TTLL1: variants seen among roughly 807,000 people sequenced by gnomAD.
TTLL1 encodes the protein TTL family tubulin polyglutamylase complex subunit L1.
Under a neutral mutation model 47.8 loss-of-function variants are expected in TTLL1, and 33 were observed. The ratio of observed to expected loss-of-function variants is 0.69; its 90% CI spans 0.52 to 0.92. The LOEUF (loss-of-function observed/expected upper bound fraction) is 0.92, where lower values mean the gene tolerates loss of function less well. Ranked by LOEUF, TTLL1 falls within the 40% of genes least tolerant of loss-of-function variation. The pLI, the probability that TTLL1 is intolerant of heterozygous loss-of-function variation, is 0.00. For synonymous variants in TTLL1, 225 were observed against 214.1 expected (o/e 1.05, Z -0.45); for missense variants, 488 against 547.5 (o/e 0.89, Z 1.08).
chr22:43,044,394 C>T lies in TTLL1; in HGVS notation c.1142+2016G>A, dbSNP rs111514592. Among the ~76,000 whole-genome samples the T allele has an allele frequency of 8.6e-3, 1,306 of 152,304 alleles. 17 individuals carry two copies. The highest frequency in any genetic ancestry group is 0.03 in the African/African-American group (1,238 of 41,556). Reference sequence around the variant, plus strand: ...CAATGAGCTGTAACACGCACATCCACACCACACATCACCCACAGCAGGGGC... The same window carrying T: ...CAATGAGCTGTAACACGCACATCCATACCACACATCACCCACAGCAGGGGC... On this transcript the variant is annotated intron_variant, in intron 10 of 10. Transcript: ENST00000266254.
intron 2 of TTLL1, among the ~76,000 whole-genome samples, chr22:43,079,358 C>G (rs1928732628): frequency 6.6e-6 from 1 of 151,166 alleles, no homozygotes; most frequent in Non-Finnish European, 1.5e-5. Flanking sequence ...CCATCCCACA[C>G]CCCTCACACC....
chr22:43,078,059 A>C (rs1397333860), intron 2 of TTLL1, among the ~76,000 whole-genome samples: 5 of 151,738 alleles, frequency 3.3e-5, no homozygotes, highest in African/African-American at 1.2e-4. Flanking sequence ...GTGAGCCAGG[A>C]TGACGCCACT....
chr22:43,064,274 T>C lies in TTLL1; in HGVS notation c.554A>G (p.Asn185Ser), dbSNP rs758717215. The change falls in exon 6 of 11, where the codon AAC becomes AGC. Residue 185 changes from asparagine to serine, a missense_variant. Transcript: ENST00000266254. ...KEAYVISLYI[N>S]NPLLIGGRKF... ...CCTCCCGCCAATTAGTAACGGGTTG[T>C]TAATATAGAGAGAGATCACGTAGGC... 1 of 1,614,060 alleles carries C rather than the reference T, an allele frequency of 6.2e-7. No individual in the cohort carries two copies. Among genetic ancestry groups the C allele is most frequent in the Non-Finnish European group, 8.5e-7 (1 of 1,180,002 alleles).
At chr22:43,056,682 G>A (rs879486247) in intron 8 of TTLL1, among the ~76,000 whole-genome samples, 7 of 151,784 alleles carry the variant, frequency 4.6e-5, no homozygotes, top group Non-Finnish European at 8.8e-5. Context: ...CTACTTGGGA[G>A]GCTGAAGCAA....
intron 7 of TTLL1, among the ~76,000 whole-genome samples, 195 bp from the exon 8 acceptor site, chr22:43,059,722 C>G (rs1237575692): frequency 6.6e-6 from 1 of 152,194 alleles, no homozygotes; most frequent in Non-Finnish European, 1.5e-5. Context: ...CAGGGTCTCA[C>G]TCTGTCCCCC....
chr22:43,070,044 G>A (rs879402295), intron 3 of TTLL1, 200 bp from the exon 4 acceptor site: 1 of 1,177,042 alleles, frequency 8.5e-7, no homozygotes, highest in East Asian at 2.6e-5. Context: ...CAAGTGGTGT[G>A]AGGGCCAGGA....
intron 8 of TTLL1, among the ~76,000 whole-genome samples, chr22:43,057,460 G>C (rs1927094189): frequency 6.6e-6 from 1 of 152,042 alleles, no homozygotes; most frequent in Admixed American, 6.6e-5. Context: ...ACAGCCTCTT[G>C]ACACCAATGT....
In TTLL1 at chr22:43,088,324, C is replaced by CTTTTT. The variant is rs1167618669; in HGVS notation, c.-90+948_-90+952dup. ...AATTTGAGGGCAGAGAAGGGCCCAT[C>CTTTTT]TTTTTTTTTTTTTTTTTTTTTTTTT... On this transcript the variant is annotated intron_variant, in intron 1 of 10. Coordinates refer to ENST00000266254, the MANE Select transcript of TTLL1 (RefSeq NM_012263.5). Among the ~76,000 whole-genome samples, 141 of 56,476 alleles carry CTTTTT rather than the reference C, an allele frequency of 2.5e-3. 15 individuals carry two copies. Among genetic ancestry groups the CTTTTT allele is most frequent in the African/African-American group, 4.0e-3 (54 of 13,650 alleles). 37.1% of individuals were successfully genotyped at this position (56,476 alleles called of 152,430 possible).
chr22:43,049,774 GAAAAAAAAAAAGAAAAGA>G (rs1377489171), intron 9 of TTLL1, among the ~76,000 whole-genome samples: 1 of 112,246 alleles, frequency 8.9e-6, no homozygotes, highest in Non-Finnish European at 1.8e-5. Context: ...TCTCAAGACA[GAAAAAAAAAAAGAAAAGA>G]AAAAAAAAAA....
chr22:43,051,510 A>G (rs1325076234), intron 9 of TTLL1, among the ~76,000 whole-genome samples: 1 of 151,810 alleles, frequency 6.6e-6, no homozygotes, highest in African/African-American at 2.4e-5. Flanking sequence ...GACAGGGTGC[A>G]GGACTGAGGG....
intron 3 of TTLL1, among the ~76,000 whole-genome samples, chr22:43,071,928 G>A (rs1928149725): frequency 6.6e-6 from 1 of 152,204 alleles, no homozygotes; most frequent in Admixed American, 6.5e-5. Flanking sequence ...ACACCTACCT[G>A]TGGCCGCTGT....
intron 8 of TTLL1, among the ~76,000 whole-genome samples, chr22:43,053,765 A>G (rs567272954): frequency 6.6e-6 from 1 of 152,244 alleles, no homozygotes; most frequent in Admixed American, 6.5e-5. Flanking sequence ...AGAGCCTTAG[A>G]AATCTATCAT....
intron 7 of TTLL1, among the ~76,000 whole-genome samples, 181 bp downstream of exon 7, chr22:43,063,632 G>A (rs964464340): frequency 2.0e-5 from 3 of 151,586 alleles, no homozygotes; most frequent in East Asian, 1.9e-4. Flanking sequence ...GGTAATTTCC[G>A]TATTTTTTTT....
In TTLL1 at chr22:43,046,465, C is replaced by A. The variant is rs1481068641; in HGVS notation, c.1087G>T (p.Asp363Tyr). 1 of 1,614,034 alleles carries A rather than the reference C, an allele frequency of 6.2e-7. No individual in the cohort carries two copies. Among genetic ancestry groups the A allele is most frequent in the Non-Finnish European group, 8.5e-7 (1 of 1,180,024 alleles). Residue 363 changes from aspartate (D) to tyrosine (Y), a missense_variant, in exon 10 of 11, where the codon GAC (aspartate) becomes TAC (tyrosine). Transcript: ENST00000266254. The part of the protein sequence containing the change: ...NIAVPNGEIP[D>Y]CKWNKSPPKE... ...GGTGGCGACTTGTTCCATTTGCAGT[C>A]TGGGATTTCACCATTCGGGACGGCG...
Position 43,059,453 on chromosome 22 carries a change from G to A in TTLL1, c.822C>T (p.Gly274=). The A allele has an allele frequency of 6.2e-7, 1 of 1,614,084 alleles. No homozygotes were observed. Among genetic ancestry groups the A allele is most frequent in the Non-Finnish European group, 8.5e-7 (1 of 1,180,010 alleles). ...NLRLYLESTR[G]KEVTSKLFDE... is the part of the protein sequence containing the mutation. ...CGAACAGCTTGCTGGTCACCTCCTT[G>A]CCGCGGGTGCTCTCCAGGTAGAGCC... The change falls in exon 8 of 11, where the codon GGC becomes GGT. Residue 274 remains glycine (G), a synonymous_variant. Coordinates refer to ENST00000266254, the MANE Select transcript of TTLL1 (RefSeq NM_012263.5).
At chr22:43,069,979 G>A in intron 3 of TTLL1, 135 bp from the exon 4 acceptor site, 2 of 1,395,690 alleles carry the variant, frequency 1.4e-6, no homozygotes, top group Non-Finnish European at 9.6e-7. Context: ...ACCTGAGCCA[G>A]GGGTTGCCCG....
At chr22:43,077,587 T>G (rs1468185799) in intron 2 of TTLL1, among the ~76,000 whole-genome samples, 1 of 152,144 alleles carries the variant, frequency 6.6e-6, no homozygotes, top group African/African-American at 2.4e-5. Flanking sequence ...CTGGCTGCTG[T>G]CCCAGGCCTG....
In TTLL1 at chr22:43,068,145, A is replaced by AC. The variant is rs536047961; in HGVS notation, c.503+264dup. On this transcript the variant is annotated intron_variant, in intron 5 of 10. Transcript: ENST00000266254. The stretch of plus-strand genomic sequence containing the variant: ...CCCCATCTCTATTTAAAAAAAAAAA[A>AC]CTCTATTAAAAAAATACAAAAATTA... Among the ~76,000 whole-genome samples, 14 of 147,772 alleles carry AC rather than the reference A, an allele frequency of 9.5e-5. No homozygotes were observed. The South Asian group carries it at 3.0e-3, about 32-fold the overall frequency.
chr22:43,070,989 T>C (rs1390245316), intron 3 of TTLL1, among the ~76,000 whole-genome samples: 1 of 152,152 alleles, frequency 6.6e-6, no homozygotes, highest in Non-Finnish European at 1.5e-5. Flanking sequence ...CTCGCCGCAC[T>C]GCAACCTCTG....
Sources: allele counts gnomAD v4.1 joint callset (sites outside exome capture counted in the v4.1 genomes callset), GRCh38; gene constraint gnomAD v4.1.1; transcripts MANE v1.5; gene names NCBI Gene and HGNC (gene_info 2026-07-23, HGNC 2026-07-21).